The following TEAD4 variants were observed in gnomAD, a reference collection of about 807,000 sequenced individuals.
The protein encoded by TEAD4 is transcriptional enhancer factor TEF-3.
A neutral mutation model predicts 52.4 loss-of-function variants in TEAD4; 36 were observed. The observed-to-expected ratio is 0.69, with a 90% CI of 0.53 to 0.91. The LOEUF is 0.91. Ranked by LOEUF, TEAD4 falls within the 40% of genes least tolerant of loss-of-function variation. TEAD4 has a pLI of 0.00. For synonymous variants in TEAD4, 220 were observed against 231.0 expected (o/e 0.95, Z 0.43); for missense variants, 508 against 583.9 (o/e 0.87, Z 1.34).
rs552929714 is a variant in TEAD4, at chr12:3,026,294, CTCTT to C, written c.897+4279_897+4282del. ...CGATTTCCTTAATTTTGTATTCTGACTCTTTTCTGAATTAGTTAAGGTTGTGTCC... is the reference window on the plus strand; with the variant it reads ...CGATTTCCTTAATTTTGTATTCTGACTTCTGAATTAGTTAAGGTTGTGTCC... On this transcript the variant is annotated intron_variant, in intron 10 of 12. Transcript: ENST00000359864. 2.0e-3 allele frequency among the ~76,000 whole-genome samples: 309 copies of C among 152,302 alleles called. 2 individuals carry two copies. The highest frequency in any genetic ancestry group is 6.9e-3 in the African/African-American group (288 of 41,552).
chr12:2,977,875 G>C (rs1291593629), intron 2 of TEAD4, among the ~76,000 whole-genome samples: 2 of 152,234 alleles, frequency 1.3e-5, no homozygotes, highest in Non-Finnish European at 2.9e-5. Flanking sequence ...TTTCTGAGAA[G>C]GGCCCTTTTT....
At chr12:3,012,088 T>C in intron 4 of TEAD4, 82 bp from the exon 5 acceptor site, 1 of 1,430,782 alleles carries the variant, frequency 7.0e-7, no homozygotes, top group Non-Finnish European at 9.8e-7. Context: ...TTGAGGGCTG[T>C]GGAGGGCGAG....
At chr12:2,969,387 C>T (rs764617362) in intron 2 of TEAD4, among the ~76,000 whole-genome samples, 4 of 152,184 alleles carry the variant, frequency 2.6e-5, no homozygotes, top group Non-Finnish European at 5.9e-5. Flanking sequence ...TGAGCATCCT[C>T]GGGTTTCAGT....
At chr12:2,987,674 G>A (rs752307731) in intron 2 of TEAD4, among the ~76,000 whole-genome samples, 53 of 151,664 alleles carry the variant, frequency 3.5e-4, no homozygotes, top group Admixed American at 7.9e-4. Flanking sequence ...CGCCCGCCTC[G>A]GCCTCCCAAA....
intron 2 of TEAD4, among the ~76,000 whole-genome samples, chr12:2,961,017 G>GAATA (rs533288023): frequency 8.5e-4 from 129 of 151,816 alleles, no homozygotes; most frequent in African/African-American, 3.1e-3. Context: ...TGCTTGCCTG[G>GAATA]AATAGGTCAA....
At chr12:3,013,388 G>T (rs183518349) in intron 5 of TEAD4, among the ~76,000 whole-genome samples, 1 of 151,506 alleles carries the variant, frequency 6.6e-6, no homozygotes, top group African/African-American at 2.4e-5. Context: ...CTCCTCCCGC[G>T]CATCCTTTCC....
Position 2,985,845 on chromosome 12 carries a change from GGAGGCC to G in TEAD4, c.-29-8887_-29-8882del, listed in dbSNP as rs570802866. Among the ~76,000 whole-genome samples, 882 of 152,192 alleles carry G rather than the reference GGAGGCC, an allele frequency of 5.8e-3. 7 individuals are homozygous for G. The highest frequency in any genetic ancestry group is 0.02 in the African/African-American group (829 of 41,556). On this transcript the variant is annotated intron_variant, in intron 2 of 12. Transcript: ENST00000359864. ...TCACGCCTGTAATCCCAGCACTTTG[GGAGGCC>G]GAGGCGGGTGGATCACTACGTCAGG...
intron 10 of TEAD4, among the ~76,000 whole-genome samples, chr12:3,024,311 C>T (rs1591594800): frequency 6.6e-6 from 1 of 152,146 alleles, no homozygotes; most frequent in Non-Finnish European, 1.5e-5. Context: ...CTCCTGACCT[C>T]GTGATCTGCC....
intron 2 of TEAD4, among the ~76,000 whole-genome samples, chr12:2,964,277 G>C (rs573997271): frequency 6.6e-6 from 1 of 152,164 alleles, no homozygotes; most frequent in Non-Finnish European, 1.5e-5. Context: ...CCCCTGAGAT[G>C]TCTTTGCGAA....
At chr12:2,985,364 G>A (rs1591564988) in intron 2 of TEAD4, among the ~76,000 whole-genome samples, 1 of 151,432 alleles carries the variant, frequency 6.6e-6, no homozygotes, top group Admixed American at 6.6e-5. Context: ...CAGCCTGGGT[G>A]ACAGAGCAAG....
intron 11 of TEAD4, among the ~76,000 whole-genome samples, chr12:3,038,587 C>T (rs1250158534): frequency 6.6e-6 from 1 of 152,160 alleles, no homozygotes; most frequent in Non-Finnish European, 1.5e-5. Context: ...CTTATGGGTA[C>T]CCTGGAGACC....
chr12:3,012,210 G>A lies in TEAD4; in HGVS notation c.332G>A (p.Arg111His), dbSNP rs1394515961. The A allele has an allele frequency of 1.4e-5, 22 of 1,613,966 alleles. No homozygotes were observed. Among genetic ancestry groups the A allele is most frequent in the Middle Eastern group, 1.6e-4 (1 of 6,084 alleles). ...CAGGTGCTGGCTCGTCGCAAAGCTC[G>A]CGAGATCCAGGCCAAGCTAAAGGTA... The change falls in exon 5 of 13, where the codon CGC becomes CAC. Residue 111 changes from arginine (R) to histidine (H), a missense_variant. By Grantham distance (29) the Arg-to-His change is conservative. Coordinates refer to ENST00000359864, the MANE Select transcript of TEAD4 (RefSeq NM_003213.4).
chr12:2,974,426 C>T (rs1196348568), intron 2 of TEAD4, among the ~76,000 whole-genome samples: 2 of 152,222 alleles, frequency 1.3e-5, no homozygotes, highest in African/African-American at 4.8e-5. Context: ...TGGATGCCGC[C>T]TCCCACCTCT....
chr12:2,978,203 A>G (rs1410632299), intron 2 of TEAD4, among the ~76,000 whole-genome samples: 1 of 152,006 alleles, frequency 6.6e-6, no homozygotes. Flanking sequence ...GTGCGCTTTA[A>G]ACAATTTTTT....
chr12:3,004,199 G>A (rs1320759468), intron 3 of TEAD4, among the ~76,000 whole-genome samples: 2 of 152,218 alleles, frequency 1.3e-5, no homozygotes, highest in African/African-American at 4.8e-5. Context: ...GGAATCGGGG[G>A]GATTGATCCA....
At chr12:2,985,110 G>A (rs1252281110) in intron 2 of TEAD4, among the ~76,000 whole-genome samples, 1 of 151,932 alleles carries the variant, frequency 6.6e-6, no homozygotes, top group Non-Finnish European at 1.5e-5. Flanking sequence ...ACTTTAAAAC[G>A]CAAACACCTC....
intron 10 of TEAD4, among the ~76,000 whole-genome samples, chr12:3,032,964 TC>T (rs1470129484): frequency 6.6e-6 from 1 of 152,206 alleles, no homozygotes; most frequent in African/African-American, 2.4e-5. Context: ...CCTGGCCTGG[TC>T]CCGCCTTCCC....
At position 2,990,724 on chromosome 12, in the gene TEAD4, C is replaced by G. The variant is rs181209142; in HGVS notation, c.-29-4014C>G. Reference sequence around the variant, plus strand: ...CAAGTGATCCGTCTGTCTCGGCCTCCCAAAGTACTGGGATTACAGGCATGA... The same window carrying G: ...CAAGTGATCCGTCTGTCTCGGCCTCGCAAAGTACTGGGATTACAGGCATGA... On this transcript the variant is annotated intron_variant, in intron 2 of 12. Transcript: ENST00000359864. Among the ~76,000 whole-genome samples, 1,245 of 152,198 alleles carry G rather than the reference C, an allele frequency of 8.2e-3. 8 individuals are homozygous for G. The highest frequency in any genetic ancestry group is 0.011 in the Non-Finnish European group (773 of 68,014).
chr12:3,011,055 G>A lies in TEAD4; in HGVS notation c.278G>A (p.Arg93His). Residue 93 changes from arginine (R) to histidine (H), a missense_variant, in exon 4 of 13, where the codon CGC becomes CAC. By Grantham distance (29) the Arg-to-His change is conservative (BLOSUM62 0). Transcript: ENST00000359864. The stretch of plus-strand genomic sequence containing the variant: ...ATCAAGCTCCGGACAGGGAAGACCC[G>A]CACCAGGAAGCAGGTGGGCCTCAAG... 2 of 1,614,074 alleles carry A rather than the reference G, an allele frequency of 1.2e-6. No homozygotes were observed. Among genetic ancestry groups the A allele is most frequent in the Non-Finnish European group, 1.7e-6 (2 of 1,179,968 alleles).
Sources: gnomAD v4.1 joint callset for allele counts (sites outside exome capture counted in the v4.1 genomes callset) on GRCh38, gnomAD v4.1.1 for gene constraint, MANE v1.5 for transcripts, NCBI Gene and HGNC (gene_info 2026-07-23, HGNC 2026-07-21) for gene names.